Variants in NBPF20 observed in about 807,000 individuals in gnomAD.
NBPF20 encodes NBPF member 20.
Under a neutral mutation model 68.1 loss-of-function variants are expected in NBPF20, and 90 were observed. That is an observed-to-expected ratio of 1.32 (90% CI 1.11 to 1.58). The LOEUF is 1.58. Ranked by LOEUF, NBPF20 falls within the 40% of genes most tolerant of loss-of-function variation. NBPF20 has a pLI of 0.00. For synonymous variants in NBPF20, 290 were observed against 228.1 expected, an observed-to-expected ratio of 1.27 and a Z score of -2.45; for missense variants, 816 against 601.2, an observed-to-expected ratio of 1.36 and a Z score of -3.74.
chr1:145,295,647 T>C, intron 132 of NBPF20, 29 bp from the exon 138 acceptor site: 1 of 159,134 alleles, frequency 6.3e-6, no homozygotes, highest in Non-Finnish European at 1.1e-5. Context: ...TGGACAGACA[T>C]ATTAAGCTGG....
exon 2 of NBPF20, chr1:145,405,274 C>T (rs781926573): frequency 8.1e-6 from 13 of 1,607,412 alleles, no homozygotes; most frequent in Non-Finnish European, 1.1e-5. Flanking sequence ...TACCACCATG[C>T]TGACGTTTGT....
chr1:145,397,874 A>G (rs1408037073), intron 7 of NBPF20, among the ~76,000 whole-genome samples: 3 of 152,188 alleles, frequency 2.0e-5, no homozygotes, highest in Non-Finnish European at 4.4e-5. Context: ...GGCTCAAACT[A>G]AAGGGATGGA....
the NBPF20 span, among the ~76,000 whole-genome samples, chr1:145,412,830 C>A: frequency 5.7e-5 from 7 of 121,888 alleles, 2 homozygotes; most frequent in Admixed American, 6.4e-4. Context: ...GTAAATCTTA[C>A]CAAGATCTGA....
intron 6 of NBPF20, among the ~76,000 whole-genome samples, chr1:145,400,158 T>C (rs1189282324): frequency 6.6e-6 from 1 of 152,086 alleles, no homozygotes; most frequent in Non-Finnish European, 1.5e-5. Flanking sequence ...CCTCCTGCAC[T>C]CAGGTGACTA....
intron 7 of NBPF20, among the ~76,000 whole-genome samples, chr1:145,398,033 T>C (rs1398033522): frequency 2.0e-5 from 3 of 152,174 alleles, no homozygotes; most frequent in African/African-American, 7.2e-5. Flanking sequence ...AAGAGTTAAC[T>C]ATCCTAAACA....
chr1:145,397,348 C>A (rs1474492609), intron 7 of NBPF20, among the ~76,000 whole-genome samples: 2 of 152,180 alleles, frequency 1.3e-5, no homozygotes, highest in Non-Finnish European at 2.9e-5. Flanking sequence ...TGTCACACTG[C>A]CTTCCACAAT....
intron 9 of NBPF20, 148 bp from the exon 15 acceptor site, chr1:145,393,394 G>T (rs1307069829): frequency 9.8e-6 from 7 of 715,896 alleles, no homozygotes; most frequent in East Asian, 2.7e-5. Context: ...CCTTTATGTT[G>T]GGATAGACTA....
chr1:145,393,604 A>T (rs1662052052), intron 9 of NBPF20: 2 of 681,692 alleles, frequency 2.9e-6, no homozygotes, highest in African/African-American at 1.8e-5. Flanking sequence ...GCATGTCCTC[A>T]ATAATTTTGC....
exon 138 of NBPF20, chr1:145,290,703 A>T (rs1435599297): frequency 1.3e-5 from 2 of 150,262 alleles, no homozygotes; most frequent in Non-Finnish European, 3.0e-5. Flanking sequence ...TGTGAAGGAG[A>T]CAGGTCAGTT....
intron 2 of NBPF20, among the ~76,000 whole-genome samples, chr1:145,403,524 C>T (rs1280827356): frequency 1.3e-5 from 2 of 152,286 alleles, no homozygotes; most frequent in Non-Finnish European, 2.9e-5. Flanking sequence ...GAAAGAGAAC[C>T]TCAAGGGCAC....
At chr1:145,398,845 C>T (rs1662381538) in intron 7 of NBPF20, among the ~76,000 whole-genome samples, 1 of 150,490 alleles carries the variant, frequency 6.6e-6, no homozygotes, top group South Asian at 2.1e-4. Flanking sequence ...CCTGGCTCAT[C>T]TGATGGCAAG....
At chr1:145,394,418 A>T (rs1490886624) in intron 8 of NBPF20, among the ~76,000 whole-genome samples, 4 of 152,092 alleles carry the variant, frequency 2.6e-5, no homozygotes, top group Admixed American at 6.6e-5. Flanking sequence ...GTGGGTGAAA[A>T]GTCAGCCATT....
intron 129 of NBPF20, among the ~76,000 whole-genome samples, 197 bp from the exon 135 acceptor site, chr1:145,298,331 GACAC>G (rs1347470195): frequency 5.1e-5 from 7 of 136,786 alleles, no homozygotes; most frequent in African/African-American, 1.3e-4. Context: ...AAGACAGATA[GACAC>G]ACACACACAC....
exon 4 of NBPF20, chr1:145,402,240 C>T (rs1662555613): frequency 5.0e-6 from 8 of 1,608,614 alleles, no homozygotes; most frequent in East Asian, 2.2e-5. Flanking sequence ...GGTCCTGCCC[C>T]TGGGACTTGT....
the NBPF20 span, among the ~76,000 whole-genome samples, chr1:145,425,253 C>T: frequency 6.6e-6 from 1 of 151,266 alleles, no homozygotes; most frequent in Non-Finnish European, 1.5e-5. Context: ...CCTCGCCCTC[C>T]GTCGCTCGCA....
At chr1:145,424,381 A>T in the NBPF20 span, among the ~76,000 whole-genome samples, 1 of 152,216 alleles carries the variant, frequency 6.6e-6, no homozygotes, top group South Asian at 2.1e-4. Context: ...ATTTCACAAT[A>T]GAAAAAAAGA....
intron 9 of NBPF20, among the ~76,000 whole-genome samples, chr1:145,393,519 A>T (rs1171277040): frequency 2.0e-5 from 3 of 151,916 alleles, no homozygotes; most frequent in Non-Finnish European, 4.4e-5. Context: ...TGGTCAGGTG[A>T]CACACTGATG....
chr1:145,398,032 C>G (rs1662345184), intron 7 of NBPF20, among the ~76,000 whole-genome samples: 1 of 152,168 alleles, frequency 6.6e-6, no homozygotes, highest in South Asian at 2.1e-4. Context: ...CAAGAGTTAA[C>G]TATCCTAAAC....
exon 138 of NBPF20, chr1:145,291,367 C>A (rs1186935915): frequency 3.9e-6 from 6 of 1,522,076 alleles, no homozygotes; most frequent in Non-Finnish European, 4.4e-6. Context: ...AGACTGAGCA[C>A]AGGTTGCCAC....
Sources: gnomAD v4.1 joint callset for allele counts (sites outside exome capture counted in the v4.1 genomes callset) on GRCh38, gnomAD v4.1.1 for gene constraint, MANE v1.5 for transcripts, NCBI Gene and HGNC (gene_info 2026-07-23, HGNC 2026-07-21) for gene names.